GLS2: variants seen among roughly 807,000 people sequenced by gnomAD.
GLS2 encodes the protein glutaminase liver isoform, mitochondrial.
In GLS2, 52 loss-of-function variants were observed where a neutral mutation model predicts 79.0. That is an observed-to-expected ratio of 0.66 (90% CI 0.53 to 0.83). The LOEUF (loss-of-function observed/expected upper bound fraction) is 0.83, where lower values mean the gene tolerates loss of function less well. Among genes scored for constraint, GLS2 ranks in the 40% least tolerant of loss-of-function variants. GLS2 has a pLI of 0.00. For synonymous variants in GLS2, 238 were observed against 280.8 expected (o/e 0.85, Z 1.52); for missense variants, 561 against 764.8 (o/e 0.73, Z 3.14).
rs1482076398 is a variant in GLS2 at position 56,474,805 on chromosome 12, A to G, written c.1047+41T>C. ...GTAGGGAAAGGGCAAGGGCAAGGAC[A>G]GTCTGTCCTGTTCCCTCGGCCCTGA... On this transcript the variant is annotated intron_variant, in intron 11 of 17. Coordinates refer to ENST00000311966, the MANE Select transcript of GLS2 (RefSeq NM_013267.4). The G allele has an allele frequency of 2.5e-6, 4 of 1,613,374 alleles. No individual in the cohort carries two copies. In the African/African-American group the frequency reaches 4.0e-5, roughly 16 times the overall value.
At chr12:56,473,026 A>G (rs1170612729) in intron 14 of GLS2, 2 of 599,256 alleles carry the variant, frequency 3.3e-6, no homozygotes, top group Non-Finnish European at 5.7e-6. Context: ...AGTAGCTGGG[A>G]CCACAGGCGC....
intron 1 of GLS2, among the ~76,000 whole-genome samples, chr12:56,486,234 G>C (rs777162127): frequency 6.6e-6 from 1 of 152,058 alleles, no homozygotes; most frequent in Admixed American, 6.6e-5. Flanking sequence ...ATGATAGGGG[G>C]TTCCCTGGGC....
Position 56,474,882 on chromosome 12 carries a change from C to G in GLS2, c.1011G>C (p.Gly337=). The G allele has an allele frequency of 6.2e-7, 1 of 1,614,078 alleles. No homozygotes were observed. ...YLKEKKCFPK[G]VDMMAALDLY... ...GATCAAGGGCAGCCATCATGTCCAC[C>G]CCCTTAGGAAAGCACTGCAAGGAAG... is the stretch of plus-strand genomic sequence containing the variant. The change falls in exon 11 of 18, where the codon GGG becomes GGC. Residue 337 remains glycine, a synonymous_variant. Transcript: ENST00000311966.
In GLS2 at chr12:56,471,343, T is replaced by G; in HGVS notation, c.*144A>C. The G allele has an allele frequency of 1.2e-6, 1 of 859,698 alleles. No homozygotes were observed. Among genetic ancestry groups the G allele is most frequent in the Middle Eastern group, 3.5e-4 (1 of 2,818 alleles). The allele number at this position is 859,698 out of a possible 1,614,324, so 53.3% of individuals were successfully genotyped here. On this transcript the variant is annotated 3_prime_UTR_variant, in exon 18 of 18. Coordinates refer to ENST00000311966, the MANE Select transcript of GLS2 (RefSeq NM_013267.4). ...AGGGAATGGGGTATTTTGACTCCCA[T>G]AGAAAGCACTAGCCTAAGTCACCAA...
chr12:56,482,975 G>A (rs1870409709), intron 1 of GLS2, among the ~76,000 whole-genome samples: 1 of 151,878 alleles, frequency 6.6e-6, no homozygotes, highest in Non-Finnish European at 1.5e-5. Context: ...CTTTGACCCA[G>A]TAATTTGACT....
intron 2 of GLS2, 45 bp downstream of exon 2, chr12:56,480,243 A>T (rs773340904): frequency 1.3e-6 from 2 of 1,526,248 alleles, no homozygotes; most frequent in South Asian, 2.3e-5. Context: ...CACTTTTCAG[A>T]GATCTTAAGG....
At chr12:56,480,716 G>A (rs534435411) in intron 1 of GLS2, among the ~76,000 whole-genome samples, 1 of 152,228 alleles carries the variant, frequency 6.6e-6, no homozygotes, top group South Asian at 2.1e-4. Flanking sequence ...TTTCCCACCT[G>A]GGTTAACAGC....
intron 1 of GLS2, among the ~76,000 whole-genome samples, chr12:56,483,917 A>C (rs529677290): frequency 6.6e-6 from 1 of 152,116 alleles, no homozygotes; most frequent in East Asian, 1.9e-4. Flanking sequence ...TAAAAGGGAA[A>C]AATATATATG....
intron 10 of GLS2, 49 bp downstream of exon 10, chr12:56,474,995 C>T (rs372834068): frequency 1.2e-6 from 2 of 1,613,960 alleles, no homozygotes; most frequent in East Asian, 2.2e-5. Flanking sequence ...TGCCCTTCCA[C>T]TAGCAGCAGA....
rs146654208 is a variant in GLS2 at position 56,474,542 on chromosome 12, A to G, written c.1224+2T>C. ...AGATGGATAGCAGAGCCAGAAACTC[A>G]CGTGGAAGGCAAACTGGCCAGAGAA... On this transcript the variant is annotated splice_donor_variant, in intron 12 of 17. Transcript: ENST00000311966. LOFTEE classifies it high-confidence loss of function. The G allele has an allele frequency of 6.2e-7, 1 of 1,613,808 alleles. No homozygotes were observed. Among genetic ancestry groups the G allele is most frequent in the African/African-American group, 1.3e-5 (1 of 75,040 alleles).
rs1269893746 is a variant in GLS2, at chr12:56,474,599, A to G, written c.1169T>C (p.Leu390Pro). ...CATGCCGCAGGAATGCATGAGGCTG[A>G]GGGTGTTGCGCACTGCTTCAGCACT... The part of the protein sequence containing the change: ...VLSAEAVRNT[L>P]SLMHSCGMYD... Residue 390 changes from leucine to proline, a missense_variant, in exon 12 of 18, where the codon CTC becomes CCC. Physicochemically the swap from Leu to Pro is moderately conservative, Grantham distance 98. Coordinates refer to ENST00000311966, the MANE Select transcript of GLS2 (RefSeq NM_013267.4). 6.2e-7 allele frequency: 1 copy of G among 1,614,202 alleles called. No individual in the cohort carries two copies. Among genetic ancestry groups the G allele is most frequent in the South Asian group, 1.1e-5 (1 of 91,088 alleles).
chr12:56,481,724 C>G (rs1565707432), intron 1 of GLS2, among the ~76,000 whole-genome samples: 1 of 148,938 alleles, frequency 6.7e-6, no homozygotes, highest in Non-Finnish European at 1.5e-5. Context: ...AACCCTGTCT[C>G]TATTAAAAAA....
At chr12:56,476,126 GA>G in intron 7 of GLS2, 149 bp from the exon 8 acceptor site, 1 of 683,574 alleles carries the variant, frequency 1.5e-6, no homozygotes, top group Non-Finnish European at 2.5e-6. Context: ...TTATCCTTCT[GA>G]AAACACCGCA....
chr12:56,487,662 A>G (rs1039413293), intron 1 of GLS2: 1 of 515,896 alleles, frequency 1.9e-6, no homozygotes, highest in South Asian at 2.6e-5. Flanking sequence ...GCCAAGCAAC[A>G]CTCGGCGCGC....
rs1368539295 is a variant in GLS2, at chr12:56,474,724, T to C, written c.1048-4A>G. On this transcript the variant is annotated splice_region_variant and splice_polypyrimidine_tract_variant and intron_variant, in intron 11 of 17. Coordinates refer to ENST00000311966, the MANE Select transcript of GLS2 (RefSeq NM_013267.4). ...AAGTGACCTCCACAGAACACAGCTA[T>C]GAAAACAAAGAATAGGTGAAGATGT... 1 of 1,608,486 alleles carries C rather than the reference T, an allele frequency of 6.2e-7. No homozygotes were observed. Among genetic ancestry groups the C allele is most frequent in the Non-Finnish European group, 8.5e-7 (1 of 1,176,402 alleles).
chr12:56,475,037 TG>T lies in GLS2; in HGVS notation c.996+6del, dbSNP rs1869679922. 7 of 1,614,152 alleles carry T rather than the reference TG, an allele frequency of 4.3e-6. No individual in the cohort carries two copies. In the East Asian group the frequency reaches 1.6e-4, roughly 36 times the overall value. ...AGGGACTTTCTCTTCCGGCCTCTTCTGGTTACCTTCTTTTCCTTGAGATAAT... is the reference window on the plus strand; with the variant it reads ...AGGGACTTTCTCTTCCGGCCTCTTCTGTTACCTTCTTTTCCTTGAGATAAT... On this transcript the variant is annotated splice_donor_region_variant and intron_variant, in intron 10 of 17. Transcript: ENST00000311966.
At chr12:56,480,601 T>A in intron 1 of GLS2, 1 of 541,396 alleles carries the variant, frequency 1.8e-6, no homozygotes, top group Non-Finnish European at 3.3e-6. Flanking sequence ...CAGATCTTTA[T>A]TTTTAGCTCC....
At chr12:56,483,063 T>C (rs554273883) in intron 1 of GLS2, among the ~76,000 whole-genome samples, 2 of 152,006 alleles carry the variant, frequency 1.3e-5, no homozygotes, top group Non-Finnish European at 2.9e-5. Context: ...ATTGTTGTTT[T>C]TTCTTTTTTC....
chr12:56,478,626 C>T, intron 4 of GLS2: 1 of 269,276 alleles, frequency 3.7e-6, no homozygotes. Context: ...ACACATGAAG[C>T]CATGTCACCA....
Sources: allele counts gnomAD v4.1 joint callset (sites outside exome capture counted in the v4.1 genomes callset), GRCh38; gene constraint gnomAD v4.1.1; transcripts MANE v1.5; gene names NCBI Gene and HGNC (gene_info 2026-07-23, HGNC 2026-07-21).